Variants in ARHGAP12 observed in about 807,000 individuals in gnomAD.
The protein encoded by ARHGAP12 is rho GTPase-activating protein 12.
A neutral mutation model predicts 108.6 loss-of-function variants in ARHGAP12; 64 were observed. The observed-to-expected ratio is 0.59, with a 90% CI of 0.48 to 0.73. The LOEUF is 0.73. Ranked by LOEUF, ARHGAP12 falls within the 30% of genes least tolerant of loss-of-function variation. The pLI, the probability that ARHGAP12 is intolerant of heterozygous loss-of-function variation, is 0.00. For missense variants in ARHGAP12, 940 were observed against 1,005.9 expected, an observed-to-expected ratio of 0.93 and a Z score of 0.89; for synonymous variants, 312 against 337.2, an observed-to-expected ratio of 0.93 and a Z score of 0.82.
chr10:31,867,173 G>A (rs1052120785), intron 3 of ARHGAP12, among the ~76,000 whole-genome samples: 1 of 148,088 alleles, frequency 6.8e-6, no homozygotes, highest in Non-Finnish European at 1.5e-5. Flanking sequence ...GGAGTGCAAT[G>A]GTGTGATTTC....
At chr10:31,864,650 G>A (rs921011753) in intron 3 of ARHGAP12, among the ~76,000 whole-genome samples, 5 of 152,198 alleles carry the variant, frequency 3.3e-5, no homozygotes, top group Admixed American at 3.3e-4. Context: ...GAAAATTAGG[G>A]ATTTGGAACC....
chr10:31,809,198 C>T, intron 17 of ARHGAP12, 32 bp downstream of exon 17: 1 of 1,612,796 alleles, frequency 6.2e-7, no homozygotes, highest in Non-Finnish European at 8.5e-7. Flanking sequence ...ATGAGTGATG[C>T]ATCTGAATAA....
At chr10:31,809,474 G>T in intron 16 of ARHGAP12, 167 bp from the exon 17 acceptor site, 2 of 611,040 alleles carry the variant, frequency 3.3e-6, no homozygotes. Flanking sequence ...TGGCAGGGGA[G>T]AGAGATGGAG....
At chr10:31,820,247 A>G in intron 12 of ARHGAP12, 140 bp downstream of exon 12, 1 of 552,902 alleles carries the variant, frequency 1.8e-6, no homozygotes, top group Non-Finnish European at 2.9e-6. Flanking sequence ...TTTTTTCTTA[A>G]ATTACAATAC....
chr10:31,811,777 C>T (rs1443593324), intron 15 of ARHGAP12, among the ~76,000 whole-genome samples: 1 of 151,922 alleles, frequency 6.6e-6, no homozygotes, highest in Admixed American at 6.6e-5. Flanking sequence ...TCAATCGATC[C>T]TCCCACTCAG....
At chr10:31,918,739 G>A (rs1839668135) in intron 1 of ARHGAP12, among the ~76,000 whole-genome samples, 1 of 152,176 alleles carries the variant, frequency 6.6e-6, no homozygotes, top group Non-Finnish European at 1.5e-5. Context: ...AATAACAAAT[G>A]TTTGTGAGGA....
intron 11 of ARHGAP12, among the ~76,000 whole-genome samples, chr10:31,822,031 A>G (rs1435262904): frequency 2.0e-5 from 3 of 152,176 alleles, no homozygotes; most frequent in African/African-American, 2.4e-5. Flanking sequence ...AAGCAACCAA[A>G]TAAGATATAG....
At chr10:31,918,476 G>A (rs544528699) in intron 1 of ARHGAP12, among the ~76,000 whole-genome samples, 1 of 152,194 alleles carries the variant, frequency 6.6e-6, no homozygotes, top group South Asian at 2.1e-4. Flanking sequence ...GCCGAGGCAG[G>A]AGGATCACTT....
chr10:31,808,562 A>C, intron 19 of ARHGAP12, 87 bp downstream of exon 19: 1 of 1,174,424 alleles, frequency 8.5e-7, no homozygotes, highest in Non-Finnish European at 1.2e-6. Context: ...CTGGGATCCA[A>C]ATCTGAGTCT....
intron 3 of ARHGAP12, among the ~76,000 whole-genome samples, chr10:31,893,412 A>T (rs565124692): frequency 1.4e-4 from 21 of 152,284 alleles, no homozygotes; most frequent in Admixed American, 9.8e-4. Flanking sequence ...GATAAAGGGG[A>T]TATCACCACC....
intron 3 of ARHGAP12, among the ~76,000 whole-genome samples, chr10:31,888,770 GA>G: frequency 6.6e-6 from 1 of 152,200 alleles, no homozygotes; most frequent in South Asian, 2.1e-4. Flanking sequence ...CTGCATCTAG[GA>G]ATCATGAGGT....
At chr10:31,916,447 C>T (rs1307135260) in intron 1 of ARHGAP12, among the ~76,000 whole-genome samples, 1 of 152,108 alleles carries the variant, frequency 6.6e-6, no homozygotes, top group Non-Finnish European at 1.5e-5. Context: ...TCCTTTCTAT[C>T]TGCCAATTTT....
intron 4 of ARHGAP12, among the ~76,000 whole-genome samples, chr10:31,858,871 T>C (rs930825869): frequency 2.0e-5 from 3 of 152,004 alleles, no homozygotes; most frequent in African/African-American, 7.3e-5. Flanking sequence ...CGGAAGAAAG[T>C]AGAATCTAAA....
rs904574219 is a variant in ARHGAP12 at position 31,826,686 on chromosome 10, G to A, written c.1449-301C>T. On this transcript the variant is annotated intron_variant, in intron 10 of 19. Transcript: ENST00000344936. ...ATTAATACAGCACTTTGTGATCAAA[G>A]ACACTAATTTATTTTAAAGTCACAC... 9.0e-5 allele frequency: 23 copies of A among 255,658 alleles called. No individual in the cohort carries two copies. The Admixed American group carries it at 9.2e-4, about 10-fold the overall frequency. The allele number at this position is 255,658 out of a possible 1,614,324, so 15.8% of individuals were successfully genotyped here. A position where few individuals can be genotyped will look rare whatever the true frequency, so the allele number is the denominator to read the frequency against.
chr10:31,825,188 G>A (rs1488649379), intron 11 of ARHGAP12, among the ~76,000 whole-genome samples: 1 of 152,126 alleles, frequency 6.6e-6, no homozygotes, highest in African/African-American at 2.4e-5. Flanking sequence ...CCTCATCAGA[G>A]AAGCTGAGGA....
intron 9 of ARHGAP12, among the ~76,000 whole-genome samples, chr10:31,836,831 G>A (rs936524251): frequency 6.6e-6 from 1 of 152,146 alleles, no homozygotes; most frequent in African/African-American, 2.4e-5. Context: ...CTCCATGGGA[G>A]GGCACAACAG....
intron 11 of ARHGAP12, among the ~76,000 whole-genome samples, chr10:31,823,160 T>A (rs1233603053): frequency 6.6e-6 from 1 of 152,198 alleles, no homozygotes; most frequent in Non-Finnish European, 1.5e-5. Context: ...AGGGACCATG[T>A]TATTTCTTTC....
At chr10:31,820,353 T>C in intron 12 of ARHGAP12, 34 bp downstream of exon 12, 2 of 1,519,708 alleles carry the variant, frequency 1.3e-6, no homozygotes, top group Non-Finnish European at 1.8e-6. Context: ...TACTACAGTT[T>C]AGAATGTGTT....
intron 1 of ARHGAP12, among the ~76,000 whole-genome samples, chr10:31,921,537 G>A (rs1019389056): frequency 1.3e-5 from 2 of 151,362 alleles, no homozygotes; most frequent in Non-Finnish European, 2.9e-5. Flanking sequence ...AGGCAGAGTC[G>A]GGCGGATAAT....
Sources: gnomAD v4.1 joint callset for allele counts (sites outside exome capture counted in the v4.1 genomes callset) on GRCh38, gnomAD v4.1.1 for gene constraint, MANE v1.5 for transcripts, NCBI Gene and HGNC (gene_info 2026-07-23, HGNC 2026-07-21) for gene names.